AHCYL2: variants seen among roughly 807,000 people sequenced by gnomAD.
AHCYL2 encodes S-adenosylhomocysteine hydrolase-like protein 2.
Under a neutral mutation model 81.4 loss-of-function variants are expected in AHCYL2, and 28 were observed. The ratio of observed to expected loss-of-function variants is 0.34; its 90% CI spans 0.25 to 0.47. The LOEUF (loss-of-function observed/expected upper bound fraction) is 0.47. Among genes scored for constraint, AHCYL2 ranks in the 20% least tolerant of loss-of-function variants. The pLI is 1.00. For missense variants in AHCYL2, 551 were observed against 785.1 expected (o/e 0.70, Z 3.56); for synonymous variants, 272 against 290.2 (o/e 0.94, Z 0.64).
At chr7:129,389,855 T>A in intron 4 of AHCYL2, 121 bp downstream of exon 4, 1 of 705,148 alleles carries the variant, frequency 1.4e-6, no homozygotes, top group Non-Finnish European at 2.2e-6. Context: ...TATTAATCCT[T>A]ATAATGGCCA....
chr7:129,261,268 A>C (rs1251269068), intron 1 of AHCYL2, among the ~76,000 whole-genome samples: 1 of 152,336 alleles, frequency 6.6e-6, no homozygotes, highest in Admixed American at 6.5e-5. Context: ...CTTTATAGAT[A>C]GGTTTAGATC....
chr7:129,395,363 G>T (rs1454617062), intron 4 of AHCYL2, among the ~76,000 whole-genome samples: 2 of 152,206 alleles, frequency 1.3e-5, no homozygotes, highest in African/African-American at 4.8e-5. Flanking sequence ...TCAGTCTTAG[G>T]CAGACCTCTG....
At chr7:129,404,504 G>A (rs957756218) in intron 7 of AHCYL2, among the ~76,000 whole-genome samples, 12 of 152,062 alleles carry the variant, frequency 7.9e-5, no homozygotes, top group African/African-American at 1.4e-4. Context: ...GTGAAACCCC[G>A]TCTCTACTAA....
In AHCYL2 at chr7:129,309,092, C is replaced by T. The variant is rs113129202; in HGVS notation, c.364-70546C>T. ...ACTAAAAATACAAAAATTAGCCGGG[C>T]GTGGCGGCGGGCACCTGTAATCCCA... is the stretch of plus-strand genomic sequence containing the variant. On this transcript the variant is annotated intron_variant, in intron 1 of 16. Transcript: ENST00000325006. 6.1e-3 allele frequency among the ~76,000 whole-genome samples: 933 copies of T among 152,004 alleles called. 12 individuals are homozygous for T. Among genetic ancestry groups the T allele is most frequent in the African/African-American group, 0.022 (895 of 41,450 alleles).
chr7:129,266,248 G>A (rs1795807465), intron 1 of AHCYL2, among the ~76,000 whole-genome samples: 1 of 152,156 alleles, frequency 6.6e-6, no homozygotes, highest in South Asian at 2.1e-4. Flanking sequence ...GGCTTCTTTG[G>A]TTGCAAAACA....
chr7:129,300,196 C>G (rs1314066409), intron 1 of AHCYL2, among the ~76,000 whole-genome samples: 2 of 152,098 alleles, frequency 1.3e-5, no homozygotes, highest in Non-Finnish European at 2.9e-5. Context: ...TTATTATTGA[C>G]TATAGTTACC....
intron 2 of AHCYL2, 94 bp from the exon 3 acceptor site, chr7:129,388,962 T>C: frequency 6.8e-7 from 1 of 1,476,246 alleles, no homozygotes; most frequent in African/African-American, 1.4e-5. Context: ...TATATGGTGC[T>C]AGGTGGCTAG....
chr7:129,287,142 G>A (rs571870660), intron 1 of AHCYL2, among the ~76,000 whole-genome samples: 7 of 152,240 alleles, frequency 4.6e-5, no homozygotes, highest in Non-Finnish European at 1.0e-4. Context: ...CTTATCTGAT[G>A]TGTTGCCACA....
At chr7:129,318,805 C>A (rs1797914221) in intron 1 of AHCYL2, among the ~76,000 whole-genome samples, 1 of 150,138 alleles carries the variant, frequency 6.7e-6, no homozygotes, top group Admixed American at 6.6e-5. Context: ...TTTTTAATTT[C>A]AGTAAGTTTT....
intron 4 of AHCYL2, among the ~76,000 whole-genome samples, chr7:129,394,473 GT>G (rs1795625862): frequency 1.9e-5 from 2 of 104,006 alleles, no homozygotes; most frequent in Non-Finnish European, 3.8e-5. Flanking sequence ...TTGAGACAGA[GT>G]TTTGCTCTTG....
chr7:129,424,955 G>C lies in AHCYL2; in HGVS notation c.1629+13G>C. ...TGCTACTACTCAGGTAAGGCTTCCA[G>C]AGTGGGATAGCAGTAGTCTGGAGAA... On this transcript the variant is annotated intron_variant, in intron 14 of 16. Transcript: ENST00000325006. 1.2e-6 allele frequency: 2 copies of C among 1,614,060 alleles called. No homozygotes were observed. The highest frequency in any genetic ancestry group is 1.7e-6 in the Non-Finnish European group (2 of 1,179,998).
At chr7:129,388,787 C>A (rs909830772) in intron 2 of AHCYL2, 5 of 343,564 alleles carry the variant, frequency 1.5e-5, no homozygotes, top group Non-Finnish European at 2.6e-5. Flanking sequence ...CATGGTGTAA[C>A]CTTTTCTTTT....
chr7:129,382,406 C>T (rs1794999691), intron 2 of AHCYL2, among the ~76,000 whole-genome samples: 1 of 152,112 alleles, frequency 6.6e-6, no homozygotes, highest in Admixed American at 6.5e-5. Context: ...TCAAGACCAG[C>T]CTTGCTAACA....
chr7:129,416,085 T>C (rs1028174757), intron 12 of AHCYL2, among the ~76,000 whole-genome samples: 1 of 152,034 alleles, frequency 6.6e-6, no homozygotes, highest in Non-Finnish European at 1.5e-5. Context: ...GTTTTTTTTT[T>C]ACTCCTAGTC....
chr7:129,231,649 C>T (rs1434147113), intron 1 of AHCYL2, among the ~76,000 whole-genome samples: 1 of 152,152 alleles, frequency 6.6e-6, no homozygotes, highest in East Asian at 1.9e-4. Flanking sequence ...GCTGAAATTC[C>T]ATTCACCCAA....
At chr7:129,372,498 T>C (rs1179466087) in intron 1 of AHCYL2, among the ~76,000 whole-genome samples, 2 of 152,182 alleles carry the variant, frequency 1.3e-5, no homozygotes, top group East Asian at 1.9e-4. Context: ...CTTTAGACCC[T>C]GTTTTGGGTG....
chr7:129,428,772 C>T lies in AHCYL2; in HGVS notation c.*1727C>T, dbSNP rs1018029876. 6.6e-6 allele frequency: 1 copy of T among 152,172 alleles called. No homozygotes were observed. The highest frequency in any genetic ancestry group is 2.1e-4 in the South Asian group (1 of 4,828). 9.4% of individuals were successfully genotyped at this position (152,172 alleles called of 1,614,324 possible). A position where few individuals can be genotyped will look rare whatever the true frequency, so the allele number is the denominator to read the frequency against. On this transcript the variant is annotated 3_prime_UTR_variant, in exon 17 of 17. Coordinates refer to ENST00000325006, the MANE Select transcript of AHCYL2 (RefSeq NM_015328.4). ...TGGAACTTTGGTAAATGACTGTTTG[C>T]CTCATTTAATAGTATACAGGCTCAG...
chr7:129,369,148 G>GA (rs1161650764), intron 1 of AHCYL2, among the ~76,000 whole-genome samples: 4 of 152,274 alleles, frequency 2.6e-5, no homozygotes, highest in African/African-American at 9.6e-5. Context: ...TTACTAAAAT[G>GA]ATAATAAGGA....
At chr7:129,372,605 C>T (rs569234955) in intron 1 of AHCYL2, among the ~76,000 whole-genome samples, 1 of 151,938 alleles carries the variant, frequency 6.6e-6, no homozygotes, top group African/African-American at 2.4e-5. Context: ...GTCAGGAGTT[C>T]GAGACCAGCC....
Sources: gnomAD v4.1 joint callset for allele counts (sites outside exome capture counted in the v4.1 genomes callset) on GRCh38, gnomAD v4.1.1 for gene constraint, MANE v1.5 for transcripts, NCBI Gene and HGNC (gene_info 2026-07-23, HGNC 2026-07-21) for gene names.